SRSF11: variants seen among roughly 807,000 people sequenced by gnomAD.
SRSF11 encodes serine/arginine-rich splicing factor 11.
Under a neutral mutation model 56.0 loss-of-function variants are expected in SRSF11, and 9 were observed. The ratio of observed to expected loss-of-function variants is 0.16; its 90% CI spans 0.10 to 0.28. The LOEUF (loss-of-function observed/expected upper bound fraction) is 0.28, where lower values mean the gene tolerates loss of function less well. Among genes scored for constraint, SRSF11 ranks in the 10% least tolerant of loss-of-function variants. The pLI is 1.00. For missense variants in SRSF11, 421 were observed against 600.7 expected, an observed-to-expected ratio of 0.70 and a Z score of 3.13; for synonymous variants, 222 against 215.3, an observed-to-expected ratio of 1.03 and a Z score of -0.27.
upstream of SRSF11, among the ~76,000 whole-genome samples, chr1:70,216,434 C>CTT (rs71921219): frequency 1.3e-4 from 18 of 141,574 alleles, no homozygotes; most frequent in Admixed American, 9.2e-4. Context: ...GGTTATTTAA[C>CTT]TTTTTTTTTT....
chr1:70,249,815 C>T (rs1677586836), intron 9 of SRSF11, 137 bp from the exon 10 acceptor site: 1 of 852,846 alleles, frequency 1.2e-6, no homozygotes, highest in South Asian at 1.7e-5. Context: ...TCACCTCAGC[C>T]TGCCAAAGTG....
intron 1 of SRSF11, among the ~76,000 whole-genome samples, chr1:70,209,101 C>A (rs1451409069): frequency 6.6e-6 from 1 of 152,080 alleles, no homozygotes; most frequent in Non-Finnish European, 1.5e-5. Context: ...ATGAAGAAAC[C>A]AAATTTATGT....
chr1:70,208,325 GGTGT>G (rs112343589), intron 1 of SRSF11, among the ~76,000 whole-genome samples: 10 of 148,738 alleles, frequency 6.7e-5, no homozygotes, highest in South Asian at 2.1e-4. Flanking sequence ...TACAGTGTAT[GGTGT>G]GTGTGTGTGT....
chr1:70,252,610 G>C lies in SRSF11; in HGVS notation c.*1805G>C, dbSNP rs1261134203. 2 of 151,474 alleles carry C rather than the reference G, an allele frequency of 1.3e-5. No individual in the cohort carries two copies. The highest frequency in any genetic ancestry group is 6.6e-5 in the Admixed American group (1 of 15,224). The allele number at this position is 151,474 out of a possible 1,614,324, so 9.4% of individuals were successfully genotyped here. The stretch of plus-strand genomic sequence containing the variant: ...AAAGAATTGTCTATAGTGAGTAAAA[G>C]AAGTTCTAATAATGGTCCTAATCAC... On this transcript the variant is annotated 3_prime_UTR_variant, in exon 12 of 12. Transcript: ENST00000370949.
Position 70,250,753 on chromosome 1 carries a change from C to T in SRSF11, c.1403C>T (p.Ser468Phe), listed in dbSNP as rs753771382. 36 of 1,613,788 alleles carry T rather than the reference C, an allele frequency of 2.2e-5. No individual in the cohort carries two copies. Among genetic ancestry groups the T allele is most frequent in the Admixed American group, 1.5e-4 (9 of 59,978 alleles). ...GGAACTGGTGATTCACTAAGAGAATCCAAAGTGAATGGGGATGATCATCAT... is the reference window on the plus strand; with the variant it reads ...GGAACTGGTGATTCACTAAGAGAATTCAAAGTGAATGGGGATGATCATCAT... ...EKGTGDSLRE[S>F]KVNGDDHHEE... The change falls in exon 12 of 12, where the codon TCC becomes TTC. Residue 468 changes from serine to phenylalanine, a missense_variant. Ser to Phe is a radical substitution (Grantham distance 155). Coordinates refer to ENST00000370949, the MANE Select transcript of SRSF11 (RefSeq NM_001350605.2).
chr1:70,232,033 T>TA (rs1367763683), intron 2 of SRSF11: 2 of 1,519,086 alleles, frequency 1.3e-6, no homozygotes, highest in Non-Finnish European at 1.8e-6. Flanking sequence ...TATTTTTTTT[T>TA]ACTCTAGAAA....
intron 1 of SRSF11, among the ~76,000 whole-genome samples, chr1:70,215,811 C>T (rs905421811): frequency 2.0e-5 from 3 of 152,088 alleles, no homozygotes; most frequent in Admixed American, 6.5e-5. Flanking sequence ...GATGGAATTT[C>T]GCTCTTGTTA....
At chr1:70,245,499 C>T (rs1160714798) in intron 8 of SRSF11, among the ~76,000 whole-genome samples, 1 of 152,088 alleles carries the variant, frequency 6.6e-6, no homozygotes, top group South Asian at 2.1e-4. Context: ...ATTAATAGAA[C>T]AGTTATACAA....
chr1:70,222,096 A>G (rs1018188586), intron 1 of SRSF11, among the ~76,000 whole-genome samples: 9 of 152,130 alleles, frequency 5.9e-5, no homozygotes, highest in African/African-American at 1.2e-4. Flanking sequence ...AATTGTGCCA[A>G]CGTGGTCGTT....
intron 8 of SRSF11, among the ~76,000 whole-genome samples, chr1:70,246,126 G>A (rs1676685000): frequency 6.6e-6 from 1 of 152,090 alleles, no homozygotes. Flanking sequence ...TTAGAGAATA[G>A]TTAAAGAGGG....
chr1:70,235,690 GGAGA>G, intron 5 of SRSF11, 140 bp downstream of exon 5: 1 of 775,652 alleles, frequency 1.3e-6, no homozygotes, highest in Non-Finnish European at 2.0e-6. Context: ...CTAGAAACAA[GGAGA>G]GAAATACAGA....
At chr1:70,237,575 T>C (rs1674396494) in intron 6 of SRSF11, 23 bp downstream of exon 6, 2 of 1,605,846 alleles carry the variant, frequency 1.2e-6, no homozygotes, top group African/African-American at 2.7e-5. Flanking sequence ...TATGCAATTT[T>C]GTTGTGTGAT....
At position 70,252,231 on chromosome 1, in the gene SRSF11, T is replaced by G. The variant is rs1678057686; in HGVS notation, c.*1426T>G. The stretch of plus-strand genomic sequence containing the variant: ...TTAGTATCATTTTATTGCTTATTTT[T>G]TGTGTGGGAATGGGGTTGGATAAAG... On this transcript the variant is annotated 3_prime_UTR_variant, in exon 12 of 12. Transcript: ENST00000370949. 6.6e-6 allele frequency: 1 copy of G among 152,178 alleles called. No individual in the cohort carries two copies. The highest frequency in any genetic ancestry group is 2.4e-5 in the African/African-American group (1 of 41,466). The allele number at this position is 152,178 out of a possible 1,614,324, so 9.4% of individuals were successfully genotyped here. A position where few individuals can be genotyped will look rare whatever the true frequency, so the allele number is the denominator to read the frequency against.
chr1:70,249,871 T>G, intron 9 of SRSF11, 81 bp from the exon 10 acceptor site: 1 of 1,441,344 alleles, frequency 6.9e-7, no homozygotes, highest in African/African-American at 1.4e-5. Flanking sequence ...CATCTTTCAT[T>G]GTTAGAATCA....
At chr1:70,212,506 CT>C (rs1669651892) in intron 1 of SRSF11, among the ~76,000 whole-genome samples, 1 of 152,140 alleles carries the variant, frequency 6.6e-6, no homozygotes, top group Non-Finnish European at 1.5e-5. Context: ...ATCCACCCAC[CT>C]TGGCCTCCCA....
At position 70,232,374 on chromosome 1, in the gene SRSF11, C is replaced by G; in HGVS notation, c.444C>G (p.Thr148=). The change falls in exon 3 of 12, where the codon ACC becomes ACG. Residue 148 remains threonine, a synonymous_variant. Coordinates refer to ENST00000370949, the MANE Select transcript of SRSF11 (RefSeq NM_001350605.2). ...TCCTGCCTACTCCTAACCCACTTACCCAGGTACTAGTTCTATTGAATTCTT... is the reference window on the plus strand; with the variant it reads ...TCCTGCCTACTCCTAACCCACTTACGCAGGTACTAGTTCTATTGAATTCTT... ...GGLLPTPNPL[T]QIGAVPLAAL... 6.2e-7 allele frequency: 1 copy of G among 1,611,168 alleles called. No individual in the cohort carries two copies. The highest frequency in any genetic ancestry group is 8.5e-7 in the Non-Finnish European group (1 of 1,178,394).
chr1:70,251,108 ATG>A lies in SRSF11; in HGVS notation c.*305_*306del. On this transcript the variant is annotated 3_prime_UTR_variant, in exon 12 of 12. Coordinates refer to ENST00000370949, the MANE Select transcript of SRSF11 (RefSeq NM_001350605.2). ...CATCTACAGCAGGCATGGATTGTTTATGTCGTATGATATCCTTTATTAAGTAA... is the reference window on the plus strand; with the variant it reads ...CATCTACAGCAGGCATGGATTGTTTATCGTATGATATCCTTTATTAAGTAA... The A allele has an allele frequency of 3.6e-6, 1 of 276,950 alleles. No homozygotes were observed. Among genetic ancestry groups the A allele is most frequent in the Non-Finnish European group, 6.9e-6 (1 of 145,288 alleles). The allele number at this position is 276,950 out of a possible 1,614,324, so 17.2% of individuals were successfully genotyped here. A position where few individuals can be genotyped will look rare whatever the true frequency, so the allele number is the denominator to read the frequency against.
At chr1:70,217,565 G>C (rs964905226), upstream of SRSF11, among the ~76,000 whole-genome samples, 1 of 152,070 alleles carries the variant, frequency 6.6e-6, no homozygotes, top group Non-Finnish European at 1.5e-5. Flanking sequence ...GAAAATCCTT[G>C]GAACAGATTT....
rs527622400 is a variant in SRSF11, at chr1:70,228,928, G to T, written c.337+373G>T. On this transcript the variant is annotated intron_variant, in intron 2 of 11. Transcript: ENST00000370949. ...CAGAGCCTTCAAATAAATGCATGAT[G>T]TTATTTCTGTTTTAAATAAATGAGT... 2.6e-4 allele frequency: 253 copies of T among 983,628 alleles called. 1 individual carries two copies. Among genetic ancestry groups the T allele is most frequent in the Non-Finnish European group, 2.7e-4 (227 of 828,978 alleles). 60.9% of individuals were successfully genotyped at this position (983,628 alleles called of 1,614,324 possible).
Sources: gnomAD v4.1 joint callset for allele counts (sites outside exome capture counted in the v4.1 genomes callset) on GRCh38, gnomAD v4.1.1 for gene constraint, MANE v1.5 for transcripts, NCBI Gene and HGNC (gene_info 2026-07-23, HGNC 2026-07-21) for gene names.